Variants in FAM53B observed in about 807,000 individuals in gnomAD.
FAM53B encodes the protein family with sequence similarity 53 member B.
A neutral mutation model predicts 32.7 loss-of-function variants in FAM53B; 12 were observed. The ratio of observed to expected loss-of-function variants is 0.37; its 90% CI spans 0.24 to 0.59. FAM53B has a LOEUF of 0.59. FAM53B is among the 20% of genes least tolerant of loss of function. FAM53B has a pLI of 0.72. For synonymous variants in FAM53B, 234 were observed against 228.7 expected (o/e 1.02, Z -0.21); for missense variants, 477 against 577.7 (o/e 0.83, Z 1.79).
At chr10:124,675,791 C>G (rs1949732887) in intron 4 of FAM53B, among the ~76,000 whole-genome samples, 1 of 152,262 alleles carries the variant, frequency 6.6e-6, no homozygotes, top group Non-Finnish European at 1.5e-5. Context: ...GTCAAGAGGT[C>G]AGGGTTCCCA....
At chr10:124,725,069 AC>A (rs1246062802) in intron 1 of FAM53B, among the ~76,000 whole-genome samples, 4 of 152,226 alleles carry the variant, frequency 2.6e-5, no homozygotes, top group African/African-American at 9.6e-5. Context: ...ACACTCCTTG[AC>A]AAAACAAAAC....
chr10:124,637,580 C>A (rs1949441582), intron 4 of FAM53B, among the ~76,000 whole-genome samples: 1 of 152,226 alleles, frequency 6.6e-6, no homozygotes, highest in Non-Finnish European at 1.5e-5. Context: ...CATGTCCCTG[C>A]TGATGTCCCA....
In FAM53B at chr10:124,717,754, C is replaced by T. The variant is rs909853952; in HGVS notation, c.-174-10867G>A. On this transcript the variant is annotated intron_variant, in intron 1 of 4. Coordinates refer to ENST00000337318, the MANE Select transcript of FAM53B (RefSeq NM_014661.4). ...GGGGCATCTTGGTGTCTTTCAGTGA[C>T]GCTAACAACAACCTGATTTAGAGGA... Among the ~76,000 whole-genome samples the T allele has an allele frequency of 4.6e-5, 7 of 152,312 alleles. 1 individual carries two copies. Among genetic ancestry groups the T allele is most frequent in the Admixed American group, 2.0e-4 (3 of 15,306 alleles).
intron 4 of FAM53B, chr10:124,671,302 C>T (rs779560616): frequency 3.1e-5 from 13 of 421,892 alleles, no homozygotes; most frequent in Non-Finnish European, 6.0e-5. Flanking sequence ...CAGCCCTGTG[C>T]GGCCAATGGA....
intron 3 of FAM53B, among the ~76,000 whole-genome samples, chr10:124,694,417 T>C (rs898094427): frequency 3.3e-5 from 5 of 152,252 alleles, no homozygotes; most frequent in Non-Finnish European, 7.3e-5. Context: ...CCTTGGTCTC[T>C]GGGCCTCAAG....
intron 4 of FAM53B, among the ~76,000 whole-genome samples, chr10:124,671,415 T>C (rs1049991434): frequency 6.6e-6 from 1 of 152,226 alleles, no homozygotes; most frequent in African/African-American, 2.4e-5. Context: ...ATATTAATAC[T>C]TCGTTTTCTC....
intron 2 of FAM53B, among the ~76,000 whole-genome samples, chr10:124,697,088 T>C (rs1028722200): frequency 6.6e-6 from 1 of 152,058 alleles, no homozygotes; most frequent in Admixed American, 6.5e-5. Flanking sequence ...CGCTCGGTCC[T>C]CTCATGAGCA....
intron 3 of FAM53B, among the ~76,000 whole-genome samples, chr10:124,688,773 G>A (rs766624890): frequency 6.6e-6 from 1 of 152,162 alleles, no homozygotes; most frequent in Non-Finnish European, 1.5e-5. Flanking sequence ...AGAGGAATAC[G>A]AATGGCATTT....
At chr10:124,667,023 G>A (rs1336353208) in intron 4 of FAM53B, among the ~76,000 whole-genome samples, 1 of 152,114 alleles carries the variant, frequency 6.6e-6, no homozygotes, top group African/African-American at 2.4e-5. Flanking sequence ...GGGAACCAAG[G>A]CTGACCCCCA....
In FAM53B at chr10:124,658,035, G is replaced by A. The variant is rs1052168487; in HGVS notation, c.906+23572C>T. On this transcript the variant is annotated intron_variant, in intron 4 of 4. Transcript: ENST00000337318. ...TAACCACAAATATTACCAAGACCAC[G>A]GAACTGGGTGGGCACTTTGGCAGCA... Among the ~76,000 whole-genome samples the A allele has an allele frequency of 7.2e-5, 11 of 152,174 alleles. No homozygotes were observed. In the South Asian group the frequency reaches 1.0e-3, roughly 14 times the overall value.
At chr10:124,666,301 G>A (rs1949672148) in intron 4 of FAM53B, among the ~76,000 whole-genome samples, 2 of 152,346 alleles carry the variant, frequency 1.3e-5, no homozygotes, top group Admixed American at 6.5e-5. Context: ...CCTTCGGCTT[G>A]GTCCAAGGCC....
At chr10:124,704,447 G>C (rs1430794087) in intron 2 of FAM53B, 1 of 152,364 alleles carries the variant, frequency 6.6e-6, no homozygotes, top group Non-Finnish European at 1.5e-5. Context: ...AAGGAAAAGA[G>C]GAGAGAAAGT....
chr10:124,646,391 A>T (rs1285199744), intron 4 of FAM53B, among the ~76,000 whole-genome samples: 2 of 152,210 alleles, frequency 1.3e-5, no homozygotes, highest in African/African-American at 4.8e-5. Flanking sequence ...AATGCCTGAC[A>T]GGAGAGAGGA....
intron 4 of FAM53B, among the ~76,000 whole-genome samples, chr10:124,635,456 C>A (rs1346159505): frequency 6.6e-6 from 1 of 152,156 alleles, no homozygotes; most frequent in Non-Finnish European, 1.5e-5. Flanking sequence ...TTTAAATATA[C>A]AAAAGATGTT....
At chr10:124,737,636 C>T (rs1950180535) in intron 1 of FAM53B, among the ~76,000 whole-genome samples, 1 of 152,162 alleles carries the variant, frequency 6.6e-6, no homozygotes, top group African/African-American at 2.4e-5. Flanking sequence ...CAGAAGGTTA[C>T]ATCAGCAGGC....
At chr10:124,667,436 C>A in intron 4 of FAM53B, 1 of 765,608 alleles carries the variant, frequency 1.3e-6, no homozygotes. Flanking sequence ...GGAGAAAATA[C>A]AACAGGTGAG....
intron 1 of FAM53B, among the ~76,000 whole-genome samples, chr10:124,743,538 C>G (rs1445777642): frequency 6.6e-6 from 1 of 152,202 alleles, no homozygotes; most frequent in Non-Finnish European, 1.5e-5. Flanking sequence ...TGCAAACTTC[C>G]GCGAACAAAA....
chr10:124,697,069 C>A (rs1400098812), intron 2 of FAM53B, among the ~76,000 whole-genome samples: 1 of 152,088 alleles, frequency 6.6e-6, no homozygotes, highest in African/African-American at 2.4e-5. Context: ...ATACCCAGGT[C>A]AAGAGGCTCG....
chr10:124,699,617 T>C (rs1949900804), intron 2 of FAM53B, among the ~76,000 whole-genome samples: 1 of 152,252 alleles, frequency 6.6e-6, no homozygotes, highest in South Asian at 2.1e-4. Context: ...AGCCCAGTGG[T>C]GCGGCCCCCT....
Sources: gnomAD v4.1 joint callset for allele counts (sites outside exome capture counted in the v4.1 genomes callset) on GRCh38, gnomAD v4.1.1 for gene constraint, MANE v1.5 for transcripts, NCBI Gene and HGNC (gene_info 2026-07-23, HGNC 2026-07-21) for gene names.